The following ISM2 variants were observed in gnomAD, a reference collection of about 807,000 sequenced individuals.
The protein encoded by ISM2 is isthmin-2.
ISM2 carries 50 observed loss-of-function variants against 58.0 expected under a neutral mutation model. That is an observed-to-expected ratio of 0.86 (90% CI 0.69 to 1.09). ISM2 has a LOEUF of 1.09. ISM2 is among the 50% of genes least tolerant of loss of function. The pLI is 0.00. For synonymous variants in ISM2, 303 were observed against 312.4 expected (o/e 0.97, Z 0.32); for missense variants, 723 against 745.0 (o/e 0.97, Z 0.34).
chr14:77,492,778 C>T (rs893388437), intron 1 of ISM2, among the ~76,000 whole-genome samples: 4 of 152,108 alleles, frequency 2.6e-5, no homozygotes, highest in African/African-American at 9.7e-5. Flanking sequence ...GAGGCTGAAG[C>T]AGACAGATCT....
intron 6 of ISM2, 33 bp from the exon 7 acceptor site, chr14:77,476,145 C>T: frequency 6.7e-7 from 1 of 1,501,110 alleles, no homozygotes; most frequent in Non-Finnish European, 8.8e-7. Flanking sequence ...GGAGGGAAGC[C>T]AGTGACAGAG....
At chr14:77,481,419 CTGT>C (rs1287576367) in intron 4 of ISM2, among the ~76,000 whole-genome samples, 1 of 152,110 alleles carries the variant, frequency 6.6e-6, no homozygotes, top group African/African-American at 2.4e-5. Flanking sequence ...GTTTGTGCTG[CTGT>C]TGTGTCTTTT....
In ISM2 at chr14:77,492,605, G is replaced by A. The variant is rs577754352; in HGVS notation, c.141+6048C>T. Among the ~76,000 whole-genome samples, 644 of 146,398 alleles carry A rather than the reference G, an allele frequency of 4.4e-3. 6 individuals carry two copies. Among genetic ancestry groups the A allele is most frequent in the African/African-American group, 0.016 (626 of 39,482 alleles). ...TGTGTTCACAGCTCAGAGCAGCCTC[G>A]AACTCCTCGTGATCCTCCCACCCAC... On this transcript the variant is annotated intron_variant, in intron 1 of 6. Coordinates refer to ENST00000342219, the MANE Select transcript of ISM2 (RefSeq NM_199296.3).
chr14:77,497,224 C>T (rs1409850718), intron 1 of ISM2, among the ~76,000 whole-genome samples: 1 of 151,832 alleles, frequency 6.6e-6, no homozygotes, highest in Non-Finnish European at 1.5e-5. Context: ...AAAAATTAGC[C>T]AGGCGCGGTG....
At chr14:77,498,591 C>T in intron 1 of ISM2, 62 bp downstream of exon 1, 1 of 1,397,772 alleles carries the variant, frequency 7.2e-7, no homozygotes, top group Non-Finnish European at 9.2e-7. Flanking sequence ...ACGGCTGGAG[C>T]CGGCGGGCTG....
In ISM2 at chr14:77,475,531, T is replaced by G. The variant is rs935131736; in HGVS notation, c.*64A>C. ...CTGGGCAGGGGCGGGTGAGGAAAGT[T>G]CTCCCGTGCAACAGCAGCAGCCGCC... On this transcript the variant is annotated 3_prime_UTR_variant, in exon 7 of 7. Coordinates refer to ENST00000342219, the MANE Select transcript of ISM2 (RefSeq NM_199296.3). This position sits in a 1 kb window ranked among gnomAD's most constrained non-coding sequence, Gnocchi z 4.1. 2.1e-5 allele frequency: 11 copies of G among 516,020 alleles called. No individual in the cohort carries two copies. The African/African-American group carries it at 2.9e-4, about 14-fold the overall frequency. 32.0% of individuals were successfully genotyped at this position (516,020 alleles called of 1,614,324 possible).
rs1458936861 is a variant in ISM2 at position 77,475,930 on chromosome 14, G to A, written c.1381C>T (p.Pro461Ser). 2 of 1,599,850 alleles carry A rather than the reference G, an allele frequency of 1.3e-6. No individual in the cohort carries two copies. The highest frequency in any genetic ancestry group is 1.7e-5 in the Admixed American group (1 of 59,990). Residue 461 changes from proline (P) to serine (S), a missense_variant, in exon 7 of 7, where the codon CCT becomes TCT. Transcript: ENST00000342219. The surrounding 1 kb of genome is among the most constrained non-coding windows in gnomAD (Gnocchi z 4.1). ...TGGTAGATGTCCAGGCGCTCGCGAG[G>A]GCCACTGGCATCCCTCCACCGGAAG... ...RSFRWRDASG[P>S]RERLDIYQPT...
At chr14:77,491,922 C>T (rs2079207808) in intron 1 of ISM2, among the ~76,000 whole-genome samples, 1 of 151,876 alleles carries the variant, frequency 6.6e-6, no homozygotes, top group African/African-American at 2.4e-5. Context: ...TCTTGAACTC[C>T]TGACCTCAGG....
chr14:77,475,813 G>A lies in ISM2; in HGVS notation c.1498C>T (p.Leu500=). 1 of 1,612,892 alleles carries A rather than the reference G, an allele frequency of 6.2e-7. No individual in the cohort carries two copies. ...QHCCYDEDSR[L]LTRGKGAGMP... is the part of the protein sequence containing the mutation. ...CCGGCGCCCTTGCCACGGGTCAGCA[G>A]CCGGCTGTCCTCGTCATAGCAGCAG... Residue 500 remains leucine, a synonymous_variant, in exon 7 of 7, where the codon CTG becomes TTG. Transcript: ENST00000342219. The surrounding 1 kb of genome is among the most constrained non-coding windows in gnomAD (Gnocchi z 4.1).
chr14:77,485,958 T>C (rs2079165059), intron 1 of ISM2, among the ~76,000 whole-genome samples: 3 of 152,268 alleles, frequency 2.0e-5, no homozygotes, highest in South Asian at 4.1e-4. Context: ...CTGCAAGGAC[T>C]GTGAGAATTT....
chr14:77,497,784 AAGGAAGGAAGGAAGG>A (rs1387190801), intron 1 of ISM2, among the ~76,000 whole-genome samples: 9 of 121,000 alleles, frequency 7.4e-5, no homozygotes, highest in Admixed American at 1.6e-4. Context: ...GGAAGGAAGG[AAGGAAGGAAGGAAGG>A]AAGGAAGGAA....
At chr14:77,478,190 CCT>C in intron 6 of ISM2, 50 bp downstream of exon 6, 6 of 1,467,826 alleles carry the variant, frequency 4.1e-6, no homozygotes, top group Middle Eastern at 1.7e-4. Context: ...CCCACCCTCC[CCT>C]GAGAGCTCGT....
chr14:77,482,580 G>A lies in ISM2; in HGVS notation c.715C>T (p.Leu239Phe). 1 of 1,612,864 alleles carries A rather than the reference G, an allele frequency of 6.2e-7. No homozygotes were observed. The highest frequency in any genetic ancestry group is 8.5e-7 in the Non-Finnish European group (1 of 1,179,420). ...EPSNPPPQDT[L>F]SWLPALWSFL... ...GACCAGAGGGCGGGCAGCCAGCTAA[G>A]GGTATCCTGGGGCGGGGGATTGCTG... The change falls in exon 4 of 7, where the codon CTT (leucine) becomes TTT (phenylalanine). Residue 239 changes from leucine (L) to phenylalanine (F), a missense_variant. Coordinates refer to ENST00000342219, the MANE Select transcript of ISM2 (RefSeq NM_199296.3).
intron 4 of ISM2, 84 bp from the exon 5 acceptor site, chr14:77,478,799 C>T (rs1225727067): frequency 1.3e-5 from 18 of 1,402,110 alleles, no homozygotes; most frequent in Non-Finnish European, 1.7e-5. Context: ...ACCCTTTCCT[C>T]AGGTGGATGC....
chr14:77,489,282 C>T (rs2079186607), intron 1 of ISM2, among the ~76,000 whole-genome samples: 1 of 152,216 alleles, frequency 6.6e-6, no homozygotes, highest in African/African-American at 2.4e-5. Context: ...GCAGCCCTAG[C>T]TCCTGAAGCC....
chr14:77,476,421 T>C (rs1475949295), intron 6 of ISM2, among the ~76,000 whole-genome samples: 1 of 152,172 alleles, frequency 6.6e-6, no homozygotes, highest in Non-Finnish European at 1.5e-5. Context: ...TGCTGAATGG[T>C]GGGAAAGATC....
At chr14:77,488,259 G>C (rs767723050) in intron 1 of ISM2, among the ~76,000 whole-genome samples, 3 of 152,210 alleles carry the variant, frequency 2.0e-5, no homozygotes, top group Non-Finnish European at 2.9e-5. Flanking sequence ...TGAGGGGCGA[G>C]CGTGATCACC....
chr14:77,485,637 G>A, intron 1 of ISM2, among the ~76,000 whole-genome samples: 1 of 152,250 alleles, frequency 6.6e-6, no homozygotes, highest in Non-Finnish European at 1.5e-5. Flanking sequence ...CCAGACAGTG[G>A]GGCACTAGGG....
At position 77,476,017 on chromosome 14, in the gene ISM2, C is replaced by G. The variant is rs1302501457; in HGVS notation, c.1294G>C (p.Ala432Pro). The G allele has an allele frequency of 1.3e-6, 2 of 1,579,598 alleles. No homozygotes were observed. Among genetic ancestry groups the G allele is most frequent in the Non-Finnish European group, 1.7e-6 (2 of 1,166,150 alleles). Residue 432 changes from alanine (A) to proline (P), a missense_variant, in exon 7 of 7, where the codon GCC becomes CCC. Physicochemically the swap from Ala to Pro is conservative, Grantham distance 27 (BLOSUM62 -1). Coordinates refer to ENST00000342219, the MANE Select transcript of ISM2 (RefSeq NM_199296.3). ...CTGTCCATGGCCTCCAGTGGGTAGG[C>G]ACACGGGCAGCTGGGCAGGTCCCGC... is the stretch of plus-strand genomic sequence containing the variant. ...MLRDLPSCPC[A>P]YPLEAMDSPV...
Sources: gnomAD v4.1 joint callset for allele counts (sites outside exome capture counted in the v4.1 genomes callset) on GRCh38, gnomAD v4.1.1 for gene constraint, Gnocchi (gnomAD v3.1) non-coding constraint, MANE v1.5 for transcripts, NCBI Gene and HGNC (gene_info 2026-07-23, HGNC 2026-07-21) for gene names.